Variants in AOX1 observed in about 807,000 individuals in gnomAD.
The protein encoded by AOX1 is aldehyde oxidase 1, also known as aldehyde oxidase.
AOX1 carries 153 observed loss-of-function variants against 169.5 expected under a neutral mutation model. That is an observed-to-expected ratio of 0.90 (90% CI 0.79 to 1.03). The LOEUF (loss-of-function observed/expected upper bound fraction) is 1.03. AOX1 is among the 50% of genes least tolerant of loss of function. The pLI is 0.00. For synonymous variants in AOX1, 562 were observed against 581.9 expected (o/e 0.97, Z 0.49); for missense variants, 1,656 against 1,663.9 (o/e 1.00, Z 0.08).
intron 20 of AOX1, 79 bp downstream of exon 20, chr2:200,627,528 A>G (rs2035031792): frequency 2.9e-6 from 3 of 1,036,362 alleles, no homozygotes; most frequent in South Asian, 1.4e-5. Context: ...TCTTCTGGAA[A>G]TCATCGGGCA....
intron 12 of AOX1, among the ~76,000 whole-genome samples, chr2:200,609,709 A>G (rs1457342021): frequency 6.6e-6 from 1 of 152,152 alleles, no homozygotes; most frequent in Non-Finnish European, 1.5e-5. Flanking sequence ...GCTGGGAACT[A>G]CATACTATTG....
Position 200,637,017 on chromosome 2 carries a change from C to A in AOX1, c.2453C>A (p.Ala818Glu), listed in dbSNP as rs777841231. ...AAGGTGTTAAAAACCGGAATCATTG[C>A]AGCCGTCACTGCATTTGCCGCAAAC... Reference protein sequence around the residue: ...GGKVLKTGIIAAVTAFAANKH... With the variant: ...GGKVLKTGIIEAVTAFAANKH... Residue 818 changes from alanine (A) to glutamate (E), a missense_variant, in exon 22 of 35, where the codon GCA (alanine) becomes GAA (glutamate). Coordinates refer to ENST00000374700, the MANE Select transcript of AOX1 (RefSeq NM_001159.4). The A allele has an allele frequency of 1.5e-5, 24 of 1,614,000 alleles. No individual in the cohort carries two copies. In the Admixed American group the frequency reaches 1.7e-4, roughly 11 times the overall value.
intron 8 of AOX1, among the ~76,000 whole-genome samples, chr2:200,604,316 A>G (rs2034472027): frequency 6.6e-6 from 1 of 152,216 alleles, no homozygotes; most frequent in African/African-American, 2.4e-5. Context: ...GAAGCAGCAG[A>G]TAGCTTCTAT....
At chr2:200,614,949 CTT>C (rs1248128089) in intron 15 of AOX1, among the ~76,000 whole-genome samples, 1 of 152,142 alleles carries the variant, frequency 6.6e-6, no homozygotes, top group African/African-American at 2.4e-5. Flanking sequence ...TAATTTAAAA[CTT>C]TTGCCTTGTA....
Position 200,614,072 on chromosome 2 carries a change from A to G in AOX1, c.1611+106A>G. The G allele has an allele frequency of 7.3e-6, 8 of 1,099,180 alleles. No homozygotes were observed. The South Asian group carries it at 1.3e-4, about 17-fold the overall frequency. 68.1% of individuals were successfully genotyped at this position (1,099,180 alleles called of 1,614,324 possible). On this transcript the variant is annotated intron_variant, in intron 15 of 34. Transcript: ENST00000374700. ...AAATAGCTGTAGAATAAAAAAGACAATCCACATTAGAAACACACGTACTTG... is the reference window on the plus strand; with the variant it reads ...AAATAGCTGTAGAATAAAAAAGACAGTCCACATTAGAAACACACGTACTTG...
intron 12 of AOX1, 29 bp from the exon 13 acceptor site, chr2:200,611,355 C>T (rs779814677): frequency 6.7e-7 from 1 of 1,489,706 alleles, no homozygotes; most frequent in Non-Finnish European, 9.4e-7. Flanking sequence ...CCAAACAGAT[C>T]CCAGGGAAAG....
At chr2:200,638,924 G>A (rs920340912) in intron 23 of AOX1, among the ~76,000 whole-genome samples, 2 of 151,858 alleles carry the variant, frequency 1.3e-5, no homozygotes, top group African/African-American at 2.4e-5. Context: ...AATCATTGAG[G>A]GGGGAAAGGG....
rs200896418 is a variant in AOX1, at chr2:200,621,641, C to CT, written c.2001+401dup. ...TCAAGTGGTATCTGCACCATGAAGC[C>CT]TTTTTTCTCATTCTTCAATCCAGAA... On this transcript the variant is annotated intron_variant, in intron 18 of 34. Coordinates refer to ENST00000374700, the MANE Select transcript of AOX1 (RefSeq NM_001159.4). 8.4e-3 allele frequency among the ~76,000 whole-genome samples: 1,261 copies of CT among 150,560 alleles called. 35 individuals are homozygous for CT. Among genetic ancestry groups the CT allele is most frequent in the East Asian group, 0.046 (231 of 5,064 alleles).
intron 3 of AOX1, among the ~76,000 whole-genome samples, chr2:200,596,094 A>T (rs763154564): frequency 2.0e-5 from 3 of 152,234 alleles, no homozygotes; most frequent in Non-Finnish European, 2.9e-5. Flanking sequence ...TTCTTCTGGG[A>T]ATCCAATTAT....
intron 20 of AOX1, among the ~76,000 whole-genome samples, chr2:200,632,816 A>C (rs1487459882): frequency 1.3e-5 from 2 of 152,112 alleles, no homozygotes; most frequent in East Asian, 3.8e-4. Flanking sequence ...CACACTAGAA[A>C]AATTTTACCA....
chr2:200,612,716 A>G lies in AOX1; in HGVS notation c.1371A>G (p.Arg457=). ...VFFGEGDGII[R]ELCISYGGVG... ...TTGGAGAAGGGGATGGCATTATTAG[A>G]GAGTTATGCATCTCATATGGAGGCG... Residue 457 remains arginine (R), a synonymous_variant, in exon 14 of 35, where the codon AGA becomes AGG. Transcript: ENST00000374700. The G allele has an allele frequency of 6.2e-7, 1 of 1,614,052 alleles. No individual in the cohort carries two copies. The highest frequency in any genetic ancestry group is 8.5e-7 in the Non-Finnish European group (1 of 1,179,968).
intron 22 of AOX1, 111 bp from the exon 23 acceptor site, chr2:200,638,104 G>C (rs374318581): frequency 1.1e-6 from 1 of 876,178 alleles, no homozygotes; most frequent in South Asian, 1.4e-5. Flanking sequence ...TAGTTGTGTT[G>C]TTCTGTGAGG....
chr2:200,621,285 T>C lies in AOX1; in HGVS notation c.2001+39T>C, dbSNP rs536693455. On this transcript the variant is annotated intron_variant, in intron 18 of 34. Coordinates refer to ENST00000374700, the MANE Select transcript of AOX1 (RefSeq NM_001159.4). Reference sequence around the variant, plus strand: ...GCTTTCTATTTGAAAAATAACTTTCTCAGTTAACGGTGCTTCATATTTTCT... The same window carrying C: ...GCTTTCTATTTGAAAAATAACTTTCCCAGTTAACGGTGCTTCATATTTTCT... The C allele has an allele frequency of 8.7e-5, 140 of 1,604,998 alleles. No homozygotes were observed. The Admixed American group carries it at 2.4e-3, about 27-fold the overall frequency.
chr2:200,587,236 T>C (rs920871544), intron 1 of AOX1, among the ~76,000 whole-genome samples: 1 of 152,136 alleles, frequency 6.6e-6, no homozygotes, highest in Non-Finnish European at 1.5e-5. Context: ...TACAGTGAGC[T>C]GTGATCACAC....
In AOX1 at chr2:200,651,084, C is replaced by T; in HGVS notation, c.2958C>T (p.Tyr986=). 1 of 1,614,168 alleles carries T rather than the reference C, an allele frequency of 6.2e-7. No individual in the cohort carries two copies. The highest frequency in any genetic ancestry group is 1.1e-5 in the South Asian group (1 of 91,084). Residue 986 remains tyrosine (Y), a synonymous_variant, in exon 26 of 35, where the codon TAC becomes TAT. Coordinates refer to ENST00000374700, the MANE Select transcript of AOX1 (RefSeq NM_001159.4). ...CWRECMAMSS[Y]SLRKVAVEKF... ...GAGAATGTATGGCCATGTCTTCCTACTCCTTGAGGAAAGTTGCTGTGGAAA... is the reference window on the plus strand; with the variant it reads ...GAGAATGTATGGCCATGTCTTCCTATTCCTTGAGGAAAGTTGCTGTGGAAA...
At chr2:200,628,434 C>T (rs913156871) in intron 20 of AOX1, among the ~76,000 whole-genome samples, 4 of 152,134 alleles carry the variant, frequency 2.6e-5, no homozygotes, top group African/African-American at 9.7e-5. Flanking sequence ...TTAAATAACC[C>T]ATGCTTTCCC....
intron 4 of AOX1, 45 bp downstream of exon 4, chr2:200,597,550 C>G: frequency 7.0e-7 from 1 of 1,435,068 alleles, no homozygotes. Flanking sequence ...GCTTTAGAAA[C>G]CTCATGACAT....
Position 200,616,058 on chromosome 2 carries a change from T to A in AOX1, c.1699T>A (p.Tyr567Asn), listed in dbSNP as rs768781626. The A allele has an allele frequency of 6.2e-7, 1 of 1,608,590 alleles. No individual in the cohort carries two copies. Among genetic ancestry groups the A allele is most frequent in the Non-Finnish European group, 8.5e-7 (1 of 1,175,128 alleles). The stretch of plus-strand genomic sequence containing the variant: ...CAAACATCACTGCAGTACATTAAAG[T>A]ACCAGGTGAGCGGTATTTCTTGTTT... ...HSKHHCSTLK[Y>N]QNIGPKQHPE... The change falls in exon 16 of 35, where the codon TAC (tyrosine) becomes AAC (asparagine). Residue 567 changes from tyrosine to asparagine, a missense_variant. Physicochemically the swap from Tyr to Asn is moderately radical, Grantham distance 143. Transcript: ENST00000374700.
intron 12 of AOX1, among the ~76,000 whole-genome samples, chr2:200,610,829 CATCTATTTTTTAA>C (rs2034620958): frequency 6.6e-6 from 1 of 152,086 alleles, no homozygotes; most frequent in Non-Finnish European, 1.5e-5. Flanking sequence ...GAGATCTTTT[CATCTATTTTTTAA>C]ATCTATTTTT....
Sources: allele counts gnomAD v4.1 joint callset (sites outside exome capture counted in the v4.1 genomes callset), GRCh38; gene constraint gnomAD v4.1.1; transcripts MANE v1.5; gene names NCBI Gene and HGNC (gene_info 2026-07-23, HGNC 2026-07-21).